GNB4: variants seen among roughly 807,000 people sequenced by gnomAD.
GNB4 encodes the protein G protein subunit beta 4.
In GNB4, 28 loss-of-function variants were observed where a neutral mutation model predicts 45.2. The ratio of observed to expected loss-of-function variants is 0.62; its 90% confidence interval spans 0.46 to 0.85. GNB4 has a LOEUF of 0.85. GNB4 is among the 40% of genes least tolerant of loss of function. GNB4 has a pLI of 0.00. For synonymous variants in GNB4, 132 were observed against 143.7 expected (o/e 0.92, Z 0.58); for missense variants, 321 against 425.4 (o/e 0.75, Z 2.16).
chr3:179,401,381 G>A (rs1443569367), intron 9 of GNB4, 62 bp from the exon 10 acceptor site: 9 of 1,002,048 alleles, frequency 9.0e-6, no homozygotes, highest in East Asian at 5.0e-5. Context: ...ACAAGTATAT[G>A]CAGAGATTTA....
chr3:179,515,142 G>A, the GNB4 span, among the ~76,000 whole-genome samples: 6 of 152,112 alleles, frequency 3.9e-5, no homozygotes, highest in Non-Finnish European at 5.9e-5. Context: ...TCAGTAATAC[G>A]GCTTAATAAA....
chr3:179,452,535 CCTT>C (rs1715911955), upstream of GNB4: 3 of 152,212 alleles, frequency 2.0e-5, no homozygotes, highest in Non-Finnish European at 1.5e-5. Context: ...TTCCAATCCT[CCTT>C]CTGTAGCTGC....
intron 8 of GNB4, among the ~76,000 whole-genome samples, chr3:179,406,243 G>A (rs1208956557): frequency 6.6e-6 from 1 of 151,942 alleles, no homozygotes; most frequent in East Asian, 1.9e-4. Context: ...TTTGTTTTAG[G>A]TGTGTTTCTT....
intron 8 of GNB4, among the ~76,000 whole-genome samples, chr3:179,408,168 CAA>C (rs950558821): frequency 1.3e-5 from 2 of 151,202 alleles, no homozygotes; most frequent in African/African-American, 4.9e-5. Context: ...ACCAGACATG[CAA>C]AAAAGCAAGA....
the GNB4 span, among the ~76,000 whole-genome samples, chr3:179,485,832 C>G: frequency 6.6e-6 from 1 of 152,034 alleles, no homozygotes; most frequent in Non-Finnish European, 1.5e-5. Flanking sequence ...CGCAGCTACT[C>G]AGGAGGCTGA....
rs373328697 is a variant in GNB4 at position 179,415,107 on chromosome 3, C to T, written c.268-60G>A. ...AAAAACAGTCATCTATTGCATAAAC[C>T]CATTTACAATGAAGTAAATATTATT... On this transcript the variant is annotated intron_variant, in intron 5 of 9. Transcript: ENST00000232564. 7 of 1,293,278 alleles carry T rather than the reference C, an allele frequency of 5.4e-6. No individual in the cohort carries two copies. The African/African-American group carries it at 1.0e-4, about 19-fold the overall frequency. 80.1% of individuals were successfully genotyped at this position (1,293,278 alleles called of 1,614,324 possible).
rs60425430 is a variant in GNB4, at chr3:179,447,135, C to T, written c.-43+4211G>A. Among the ~76,000 whole-genome samples the T allele has an allele frequency of 7.9e-3, 1,201 of 152,062 alleles. 13 individuals carry two copies. Among genetic ancestry groups the T allele is most frequent in the African/African-American group, 0.028 (1,143 of 41,474 alleles). Reference sequence around the variant, plus strand: ...TATTTTCAAATAAATTAAGTAAGGACTGAATGAAATGAGAGGATGAGCTAT... The same window carrying T: ...TATTTTCAAATAAATTAAGTAAGGATTGAATGAAATGAGAGGATGAGCTAT... On this transcript the variant is annotated intron_variant, in intron 1 of 9. Transcript: ENST00000232564.
chr3:179,416,674 T>G, intron 4 of GNB4, 118 bp from the exon 5 acceptor site: 1 of 530,316 alleles, frequency 1.9e-6, no homozygotes, highest in Non-Finnish European at 3.3e-6. Context: ...AACTAAAAAC[T>G]TGATACCAAA....
At chr3:179,489,005 A>T in the GNB4 span, among the ~76,000 whole-genome samples, 2,060 of 36,634 alleles carry the variant, frequency 0.056, 246 homozygotes, top group East Asian at 0.075. Flanking sequence ...AAAAAAAAAA[A>T]AAAAAAAAAA....
the GNB4 span, among the ~76,000 whole-genome samples, chr3:179,513,966 A>G: frequency 6.6e-6 from 1 of 152,232 alleles, no homozygotes; most frequent in East Asian, 1.9e-4. Context: ...GGCAATCGAC[A>G]TTTCATTTAC....
the GNB4 span, among the ~76,000 whole-genome samples, chr3:179,484,822 A>G: frequency 1.7e-5 from 2 of 120,892 alleles, no homozygotes; most frequent in Non-Finnish European, 3.4e-5. Flanking sequence ...TATCTAATAT[A>G]TATAGCTATA....
At chr3:179,456,008 A>G (rs994050140), upstream of GNB4, among the ~76,000 whole-genome samples, 1 of 152,188 alleles carries the variant, frequency 6.6e-6, no homozygotes. Flanking sequence ...GAGGAAATGC[A>G]TAGCATTTTT....
At chr3:179,465,800 TTC>T in the GNB4 span, among the ~76,000 whole-genome samples, 52,792 of 132,516 alleles carry the variant, frequency 0.4, 10,020 homozygotes, top group Middle Eastern at 0.59. Flanking sequence ...AATTTTTTTC[TTC>T]TTCTTCTTCT....
At chr3:179,527,653 A>T in the GNB4 span, among the ~76,000 whole-genome samples, 1 of 152,196 alleles carries the variant, frequency 6.6e-6, no homozygotes, top group Non-Finnish European at 1.5e-5. Flanking sequence ...TGCTCCTATC[A>T]AAATACAAAT....
the GNB4 span, among the ~76,000 whole-genome samples, chr3:179,487,306 T>G: frequency 6.6e-6 from 1 of 152,240 alleles, no homozygotes; most frequent in Non-Finnish European, 1.5e-5. Context: ...CATCTTATTT[T>G]GTTAGAGAAA....
At chr3:179,524,386 A>C in the GNB4 span, among the ~76,000 whole-genome samples, 1 of 152,254 alleles carries the variant, frequency 6.6e-6, no homozygotes, top group Non-Finnish European at 1.5e-5. Context: ...GATTTCTGGC[A>C]CTTGAAGCAA....
At chr3:179,521,590 G>A in the GNB4 span, among the ~76,000 whole-genome samples, 15 of 152,078 alleles carry the variant, frequency 9.9e-5, no homozygotes, top group Admixed American at 1.3e-4. Context: ...TCTTGTTTAC[G>A]CTGCCAGTTT....
chr3:179,426,269 A>C (rs1337868451), intron 1 of GNB4, 27 bp from the exon 2 acceptor site: 1 of 1,164,642 alleles, frequency 8.6e-7, no homozygotes, highest in African/African-American at 1.6e-5. Flanking sequence ...AGCAAGAGAA[A>C]GATTCAGTTC....
chr3:179,522,613 T>C, the GNB4 span, among the ~76,000 whole-genome samples: 29 of 152,046 alleles, frequency 1.9e-4, no homozygotes, highest in African/African-American at 6.5e-4. Flanking sequence ...GCCTCAATAA[T>C]AGATGTGGAA....
Sources: allele counts gnomAD v4.1 joint callset (sites outside exome capture counted in the v4.1 genomes callset), GRCh38; gene constraint gnomAD v4.1.1; transcripts MANE v1.5; gene names NCBI Gene and HGNC (gene_info 2026-07-23, HGNC 2026-07-21).